The following ALDH1A2 variants were observed in gnomAD, a reference collection of about 807,000 sequenced individuals.
The protein encoded by ALDH1A2 is aldehyde dehydrogenase 1 family member A2.
Under a neutral mutation model 60.3 loss-of-function variants are expected in ALDH1A2, and 27 were observed. The ratio of observed to expected loss-of-function variants is 0.45; its 90% confidence interval spans 0.33 to 0.62. The LOEUF (loss-of-function observed/expected upper bound fraction) is 0.62. ALDH1A2 is among the 20% of genes least tolerant of loss of function. The pLI, the probability that ALDH1A2 is intolerant of heterozygous loss-of-function variation, is 0.02. For synonymous variants in ALDH1A2, 289 were observed against 232.4 expected, an observed-to-expected ratio of 1.24 and a Z score of -2.21; for missense variants, 581 against 643.8, an observed-to-expected ratio of 0.90 and a Z score of 1.06.
chr15:58,030,650 C>T (rs919427090), intron 1 of ALDH1A2, among the ~76,000 whole-genome samples: 6 of 152,132 alleles, frequency 3.9e-5, no homozygotes, highest in Non-Finnish European at 7.3e-5. Flanking sequence ...CCCATTGTGT[C>T]AGCCCAAAAT....
At chr15:58,062,224 AC>A (rs1402283997) in intron 1 of ALDH1A2, among the ~76,000 whole-genome samples, 3 of 152,114 alleles carry the variant, frequency 2.0e-5, no homozygotes, top group African/African-American at 7.2e-5. Context: ...GAAAAAAAAA[AC>A]ATAACTCTTT....
chr15:57,966,354 ATC>A (rs1385480684), intron 7 of ALDH1A2, among the ~76,000 whole-genome samples: 1 of 152,242 alleles, frequency 6.6e-6, no homozygotes, highest in Non-Finnish European at 1.5e-5. Context: ...ACAGTTGAGA[ATC>A]TCTCTTTTTG....
chr15:57,972,163 C>T (rs113505130), intron 7 of ALDH1A2, among the ~76,000 whole-genome samples: 1 of 148,468 alleles, frequency 6.7e-6, no homozygotes, highest in Non-Finnish European at 1.5e-5. Flanking sequence ...CAAGACAAGA[C>T]TCACAGAGGT....
intron 12 of ALDH1A2, among the ~76,000 whole-genome samples, chr15:57,956,694 G>C (rs113397291): frequency 8.5e-5 from 13 of 152,316 alleles, no homozygotes; most frequent in African/African-American, 3.1e-4. Context: ...TACCAGCTCA[G>C]CTCTGGCTCT....
chr15:58,027,338 T>C (rs138502615), intron 1 of ALDH1A2, among the ~76,000 whole-genome samples: 193 of 152,198 alleles, frequency 1.3e-3, no homozygotes, highest in Middle Eastern at 6.8e-3. Flanking sequence ...CAGAAAGGAA[T>C]AGCATCAACA....
rs763229975 is a variant in ALDH1A2, at chr15:58,003,100, C to A, written c.493+7549G>T. Among the ~76,000 whole-genome samples, 4 of 151,834 alleles carry A rather than the reference C, an allele frequency of 2.6e-5. No individual in the cohort carries two copies. The South Asian group carries it at 6.2e-4, about 24-fold the overall frequency. On this transcript the variant is annotated intron_variant, in intron 4 of 12. Coordinates refer to ENST00000249750, the MANE Select transcript of ALDH1A2 (RefSeq NM_003888.4). ...CTCTACGACTATTCCACTACATGAT[C>A]GTAACAAAAGTTAGTTTACTTCTCT...
At chr15:57,993,207 G>T in intron 5 of ALDH1A2, 134 bp from the exon 6 acceptor site, 1 of 1,090,152 alleles carries the variant, frequency 9.2e-7, no homozygotes, top group Non-Finnish European at 1.3e-6. Flanking sequence ...CAGATGTTTG[G>T]ATTTTCAATT....
chr15:58,056,984 G>C (rs1169858702), intron 1 of ALDH1A2, among the ~76,000 whole-genome samples: 6 of 152,188 alleles, frequency 3.9e-5, no homozygotes. Context: ...GTGGAAACTA[G>C]TATAACTATG....
At chr15:58,059,444 A>G (rs1388426824) in intron 1 of ALDH1A2, among the ~76,000 whole-genome samples, 1 of 152,216 alleles carries the variant, frequency 6.6e-6, no homozygotes, top group Non-Finnish European at 1.5e-5. Context: ...CAGGACTAGT[A>G]AAAGTTTCTT....
intron 1 of ALDH1A2, among the ~76,000 whole-genome samples, chr15:58,039,739 C>G (rs35310270): frequency 6.6e-6 from 1 of 151,482 alleles, no homozygotes; most frequent in East Asian, 1.9e-4. Context: ...AAGTGACTCA[C>G]AACATTGATT....
chr15:58,002,691 G>A (rs4646601), intron 4 of ALDH1A2, among the ~76,000 whole-genome samples: 9,103 of 151,866 alleles, frequency 0.06, 304 homozygotes, highest in East Asian at 0.12. Context: ...TATATACCTA[G>A]TAACAATAAA....
chr15:57,993,558 T>G (rs1334880061), intron 5 of ALDH1A2, among the ~76,000 whole-genome samples: 2 of 152,196 alleles, frequency 1.3e-5, no homozygotes, highest in African/African-American at 4.8e-5. Context: ...TTTAGATACA[T>G]GCATTGTCAC....
In ALDH1A2 at chr15:58,013,972, T is replaced by C. The variant is rs2059078976; in HGVS notation, c.249A>G (p.Ala83=). The change falls in exon 3 of 13, where the codon GCA becomes GCG. Residue 83 remains alanine, a synonymous_variant. Coordinates refer to ENST00000249750, the MANE Select transcript of ALDH1A2 (RefSeq NM_003888.4). The stretch of plus-strand genomic sequence containing the variant: ...AACCAAGAGAGAAAGCCAGGCGGGC[T>C]GCCTGCACTGCTTTGTCTATATCTG... ...DKADIDKAVQ[A]ARLAFSLGSV... 1.2e-6 allele frequency: 2 copies of C among 1,614,012 alleles called. No homozygotes were observed. The highest frequency in any genetic ancestry group is 1.1e-5 in the South Asian group (1 of 91,084).
At chr15:57,958,534 G>A (rs1486433168) in intron 12 of ALDH1A2, among the ~76,000 whole-genome samples, 1 of 152,186 alleles carries the variant, frequency 6.6e-6, no homozygotes, top group African/African-American at 2.4e-5. Context: ...TCGTGGGCTA[G>A]GTCAGCCCTC....
At chr15:58,048,326 C>T (rs184026809) in intron 1 of ALDH1A2, among the ~76,000 whole-genome samples, 1 of 152,042 alleles carries the variant, frequency 6.6e-6, no homozygotes, top group African/African-American at 2.4e-5. Flanking sequence ...TGTGTTAATG[C>T]TGTAAATGGA....
At chr15:58,026,137 T>A (rs1443009247) in intron 1 of ALDH1A2, among the ~76,000 whole-genome samples, 1 of 151,992 alleles carries the variant, frequency 6.6e-6, no homozygotes, top group African/African-American at 2.4e-5. Flanking sequence ...ATAAGAAAAC[T>A]ACAAGCCAAT....
At chr15:58,011,756 A>G (rs1895640763) in intron 3 of ALDH1A2, among the ~76,000 whole-genome samples, 1 of 152,194 alleles carries the variant, frequency 6.6e-6, no homozygotes. Flanking sequence ...CATGTTACTT[A>G]TCACTGTATA....
Position 57,955,071 on chromosome 15 carries a change from A to C in ALDH1A2, c.*126T>G, listed in dbSNP as rs950714210. 18 of 1,077,812 alleles carry C rather than the reference A, an allele frequency of 1.7e-5. No individual in the cohort carries two copies. The highest frequency in any genetic ancestry group is 2.5e-5 in the Non-Finnish European group (17 of 692,726). 66.8% of individuals were successfully genotyped at this position (1,077,812 alleles called of 1,614,324 possible). On this transcript the variant is annotated 3_prime_UTR_variant, in exon 13 of 13. Transcript: ENST00000249750. ...TTGTGCAGTGACCTGCCTGGCCTAC[A>C]TGTTATCTTTTCAATCTTTAAGTAA...
At chr15:57,990,074 A>C (rs1315050398) in intron 7 of ALDH1A2, 1 of 152,194 alleles carries the variant, frequency 6.6e-6, no homozygotes, top group Non-Finnish European at 1.5e-5. Context: ...AGACTACATG[A>C]GAATTTAAAA....
Sources: allele counts gnomAD v4.1 joint callset (sites outside exome capture counted in the v4.1 genomes callset), GRCh38; gene constraint gnomAD v4.1.1; transcripts MANE v1.5; gene names NCBI Gene and HGNC (gene_info 2026-07-23, HGNC 2026-07-21).